Variants in MME observed in about 807,000 individuals in gnomAD.
The protein encoded by MME is neprilysin.
MME carries 98 observed loss-of-function variants against 113.2 expected under a neutral mutation model. The observed-to-expected ratio is 0.87, with a 90% CI of 0.74 to 1.02. MME has a LOEUF of 1.02. Ranked by LOEUF, MME falls within the 50% of genes least tolerant of loss-of-function variation. The pLI, the probability that MME is intolerant of heterozygous loss-of-function variation, is 0.00. For synonymous variants in MME, 292 were observed against 300.6 expected, an observed-to-expected ratio of 0.97 and a Z score of 0.30; for missense variants, 836 against 896.0, an observed-to-expected ratio of 0.93 and a Z score of 0.86.
rs1318442173 is a variant in MME at position 155,181,099 on chromosome 3, G to A, written c.*640G>A. ...GTTTTTTGTTGTACCTGCTTTGACTGATGCTGAGATTCTTCAGGCTTCCTG... is the reference window on the plus strand; with the variant it reads ...GTTTTTTGTTGTACCTGCTTTGACTAATGCTGAGATTCTTCAGGCTTCCTG... On this transcript the variant is annotated 3_prime_UTR_variant, in exon 23 of 23. Coordinates refer to ENST00000360490, the MANE Select transcript of MME (RefSeq NM_007289.4). 1 of 152,384 alleles carries A rather than the reference G, an allele frequency of 6.6e-6. No individual in the cohort carries two copies. The highest frequency in any genetic ancestry group is 1.9e-4 in the East Asian group (1 of 5,200). 9.4% of individuals were successfully genotyped at this position (152,384 alleles called of 1,614,324 possible). A position where few individuals can be genotyped will look rare whatever the true frequency, so the allele number is the denominator to read the frequency against.
intron 1 of MME, among the ~76,000 whole-genome samples, chr3:155,029,432 A>G (rs1314252657): frequency 2.6e-5 from 4 of 151,792 alleles, no homozygotes; most frequent in Non-Finnish European, 5.9e-5. Flanking sequence ...AGACAAATTA[A>G]TTTTTTACTA....
chr3:155,085,365 A>G (rs1715595087), intron 3 of MME: 1 of 261,948 alleles, frequency 3.8e-6, no homozygotes, highest in South Asian at 1.1e-4. Context: ...CTTGCCATGT[A>G]GTTGAAGAAA....
Position 155,163,011 on chromosome 3 carries a change from TC to T in MME, c.1660+2564del, listed in dbSNP as rs1182651540. On this transcript the variant is annotated intron_variant, in intron 17 of 22. Transcript: ENST00000360490. ...CTGGGTGACAAAACAAAACTCTGTCTCAAAAAAAAAAAAAAAAAAAGAAAGA... is the reference window on the plus strand; with the variant it reads ...CTGGGTGACAAAACAAAACTCTGTCTAAAAAAAAAAAAAAAAAAAGAAAGA... 2.3e-4 allele frequency among the ~76,000 whole-genome samples: 13 copies of T among 57,294 alleles called. No individual in the cohort carries two copies. The South Asian group carries it at 6.0e-3, about 26-fold the overall frequency. 37.6% of individuals were successfully genotyped at this position (57,294 alleles called of 152,430 possible).
intron 1 of MME, among the ~76,000 whole-genome samples, chr3:155,044,466 A>G (rs1459328926): frequency 6.6e-6 from 1 of 151,976 alleles, no homozygotes; most frequent in African/African-American, 2.4e-5. Context: ...GTTTACTGCT[A>G]GAGCAGCTTC....
chr3:155,124,571 T>C (rs1260278678), intron 8 of MME, among the ~76,000 whole-genome samples: 1 of 152,294 alleles, frequency 6.6e-6, no homozygotes, highest in Admixed American at 6.5e-5. Flanking sequence ...TGGTCTTTGA[T>C]GATGATGATG....
intron 20 of MME, among the ~76,000 whole-genome samples, chr3:155,171,106 T>C (rs987478155): frequency 6.6e-6 from 1 of 152,180 alleles, no homozygotes; most frequent in African/African-American, 2.4e-5. Flanking sequence ...CCAGCCAAAG[T>C]TGGGATTGAT....
At position 155,140,188 on chromosome 3, in the gene MME, T is replaced by G; in HGVS notation, c.856-3T>G. The G allele has an allele frequency of 6.2e-7, 1 of 1,600,614 alleles. No individual in the cohort carries two copies. Among genetic ancestry groups the G allele is most frequent in the Non-Finnish European group, 8.5e-7 (1 of 1,170,128 alleles). Reference sequence around the variant, plus strand: ...AAATAATGATTAAAAATTAAATCCATAGGCTACGGCTAAACCTGAAGATCG... The same window carrying G: ...AAATAATGATTAAAAATTAAATCCAGAGGCTACGGCTAAACCTGAAGATCG... On this transcript the variant is annotated splice_region_variant and splice_polypyrimidine_tract_variant and intron_variant, in intron 9 of 22. Coordinates refer to ENST00000360490, the MANE Select transcript of MME (RefSeq NM_007289.4).
At chr3:155,067,898 C>G (rs1203428152) in intron 1 of MME, among the ~76,000 whole-genome samples, 2 of 152,060 alleles carry the variant, frequency 1.3e-5, no homozygotes, top group African/African-American at 4.8e-5. Flanking sequence ...AACATTACTG[C>G]CACAGGATTC....
At chr3:155,134,986 T>A (rs375470329) in intron 8 of MME, among the ~76,000 whole-genome samples, 2 of 152,210 alleles carry the variant, frequency 1.3e-5, no homozygotes, top group Non-Finnish European at 2.9e-5. Flanking sequence ...TGGGGCTATT[T>A]GTTTTTTGCT....
chr3:155,077,533 AAAAC>A (rs536188588), upstream of MME, among the ~76,000 whole-genome samples: 322 of 152,298 alleles, frequency 2.1e-3, 4 homozygotes, highest in African/African-American at 7.1e-3. Context: ...TCTTGATTTA[AAAAC>A]AAACAAACAA....
At chr3:155,157,848 T>G (rs1475642741) in intron 16 of MME, among the ~76,000 whole-genome samples, 1 of 152,164 alleles carries the variant, frequency 6.6e-6, no homozygotes, top group Non-Finnish European at 1.5e-5. Flanking sequence ...GAATGTTTGG[T>G]GGTCATAAAT....
At chr3:155,141,384 C>T (rs937058864) in intron 10 of MME, among the ~76,000 whole-genome samples, 3 of 152,136 alleles carry the variant, frequency 2.0e-5, no homozygotes, top group Non-Finnish European at 4.4e-5. Flanking sequence ...TAGTCTTAAA[C>T]ATTATCAATT....
chr3:155,101,209 C>G (rs1425671163), intron 3 of MME, among the ~76,000 whole-genome samples: 2 of 152,190 alleles, frequency 1.3e-5, no homozygotes, highest in African/African-American at 4.8e-5. Flanking sequence ...TCCTGTACAG[C>G]CTGCAGAGCC....
At chr3:155,064,086 T>C (rs1485489931) in intron 1 of MME, among the ~76,000 whole-genome samples, 2 of 151,804 alleles carry the variant, frequency 1.3e-5, no homozygotes, top group African/African-American at 4.8e-5. Flanking sequence ...AGGTCAGGAG[T>C]TAGAGACCAG....
At chr3:155,135,017 T>C (rs1720514948) in intron 8 of MME, among the ~76,000 whole-genome samples, 1 of 152,188 alleles carries the variant, frequency 6.6e-6, no homozygotes, top group African/African-American at 2.4e-5. Flanking sequence ...TTTAAGTTTC[T>C]TGTAGATTCT....
At chr3:155,159,919 A>G (rs1278302966) in intron 16 of MME, among the ~76,000 whole-genome samples, 2 of 152,066 alleles carry the variant, frequency 1.3e-5, no homozygotes, top group East Asian at 1.9e-4. Flanking sequence ...ACTACTTGAG[A>G]TATCTTAGTT....
chr3:155,065,872 T>C lies in MME; in HGVS notation c.-10-18286T>C, dbSNP rs1274880623. ...CAGTGCTTTCAAATATGGACTCAAG[T>C]TGTAGATATATACACTGATGTTCCA... On this transcript the variant is annotated intron_variant, in intron 1 of 22. Coordinates refer to the MME transcript ENST00000492661. Among the ~76,000 whole-genome samples the C allele has an allele frequency of 2.0e-5, 3 of 152,186 alleles. No homozygotes were observed. In the South Asian group the frequency reaches 6.2e-4, roughly 32 times the overall value.
intron 16 of MME, among the ~76,000 whole-genome samples, chr3:155,160,134 G>A (rs1209006301): frequency 6.6e-6 from 1 of 151,956 alleles, no homozygotes; most frequent in African/African-American, 2.4e-5. Context: ...AATAGGTTTT[G>A]CAACATCAGA....
intron 7 of MME, 46 bp from the exon 8 acceptor site, chr3:155,118,700 T>G: frequency 7.9e-7 from 1 of 1,266,650 alleles, no homozygotes; most frequent in Non-Finnish European, 1.1e-6. Flanking sequence ...CAAACTTTTC[T>G]ATATTCACTG....
Sources: allele counts gnomAD v4.1 joint callset (sites outside exome capture counted in the v4.1 genomes callset), GRCh38; gene constraint gnomAD v4.1.1; transcripts MANE v1.5; gene names NCBI Gene and HGNC (gene_info 2026-07-23, HGNC 2026-07-21).